The following RNF14 variants were observed in gnomAD, a reference collection of about 807,000 sequenced individuals.
RNF14 encodes the protein E3 ubiquitin-protein ligase RNF14.
RNF14 carries 26 observed loss-of-function variants against 52.6 expected under a neutral mutation model. That is an observed-to-expected ratio of 0.49 (90% CI 0.36 to 0.69). RNF14 has a LOEUF of 0.69. RNF14 is among the 30% of genes least tolerant of loss of function. The probability of loss-of-function intolerance (pLI) is 0.00; values close to 1 mark genes in which losing one functional copy is unlikely to be tolerated. For missense variants in RNF14, 404 were observed against 560.4 expected (o/e 0.72, Z 2.82); for synonymous variants, 194 against 202.0 (o/e 0.96, Z 0.34).
At chr5:141,968,004 A>G (rs1753413309), upstream of RNF14, among the ~76,000 whole-genome samples, 1 of 151,894 alleles carries the variant, frequency 6.6e-6, no homozygotes, top group Non-Finnish European at 1.5e-5. Flanking sequence ...GTCACTTCCC[A>G]TTCCCTCCTG....
At chr5:141,971,440 C>G (rs1250721099) in intron 2 of RNF14, among the ~76,000 whole-genome samples, 1 of 152,110 alleles carries the variant, frequency 6.6e-6, no homozygotes, top group East Asian at 1.9e-4. Context: ...TGCTATGTTG[C>G]CAAGGCTGAT....
upstream of RNF14, among the ~76,000 whole-genome samples, chr5:141,968,211 T>C (rs1753425479): frequency 6.6e-6 from 1 of 151,850 alleles, no homozygotes; most frequent in African/African-American, 2.4e-5. Context: ...GTTCAAATGA[T>C]TCTCCTGCCT....
At chr5:141,986,850 A>T (rs252104) in intron 8 of RNF14, among the ~76,000 whole-genome samples, 133,172 of 152,270 alleles carry the variant, frequency 0.87, 58,420 homozygotes, top group East Asian at 0.98. Flanking sequence ...AAAGGAGAAA[A>T]ACGCTGCATG....
chr5:141,980,821 A>G (rs59850636), intron 6 of RNF14, among the ~76,000 whole-genome samples: 2,265 of 152,352 alleles, frequency 0.015, 50 homozygotes, highest in African/African-American at 0.052. Flanking sequence ...GGAATAATGT[A>G]GATCCTGGAT....
rs750076416 is a variant in RNF14, at chr5:141,987,835, C to T, written c.*45C>T. 6.4e-7 allele frequency: 1 copy of T among 1,565,770 alleles called. No homozygotes were observed. Among genetic ancestry groups the T allele is most frequent in the South Asian group, 1.1e-5 (1 of 90,054 alleles). ...TGGAAGTGGATTGTTTTTCCCTAAT[C>T]TTCCGTCAAGTACACAAAGTAACTT... is the stretch of plus-strand genomic sequence containing the variant. On this transcript the variant is annotated 3_prime_UTR_variant, in exon 9 of 9. Coordinates refer to ENST00000394520, the MANE Select transcript of RNF14 (RefSeq NM_004290.5).
intron 5 of RNF14, among the ~76,000 whole-genome samples, chr5:141,979,149 G>T (rs980839173): frequency 2.0e-5 from 3 of 152,184 alleles, no homozygotes; most frequent in African/African-American, 7.2e-5. Context: ...TGTGAGGTTG[G>T]CATCTGAAGG....
At chr5:141,960,196 C>T (rs1330304991) in intron 1 of RNF14, among the ~76,000 whole-genome samples, 2 of 152,174 alleles carry the variant, frequency 1.3e-5, no homozygotes, top group Admixed American at 6.5e-5. Flanking sequence ...GACAGTCTCA[C>T]TATCCGCCCC....
upstream of RNF14, chr5:141,957,123 C>T (rs138577563): frequency 3.3e-5 from 54 of 1,614,092 alleles, no homozygotes; most frequent in Non-Finnish European, 4.2e-5. This position sits in a 1 kb window ranked among gnomAD's most constrained non-coding sequence, Gnocchi z 4.3. Context: ...TCTCAGCAAA[C>T]GCAGGGCTAT....
upstream of RNF14, among the ~76,000 whole-genome samples, chr5:141,963,394 T>A (rs1303802708): frequency 1.3e-5 from 2 of 151,556 alleles, no homozygotes; most frequent in Admixed American, 1.3e-4. Context: ...TTTTTTTTTT[T>A]AAGAATTTTG....
rs553372538 is a variant in RNF14 at position 141,985,775 on chromosome 5, G to A, written c.1367+842G>A. Among the ~76,000 whole-genome samples, 463 of 152,226 alleles carry A rather than the reference G, an allele frequency of 3.0e-3. 1 individual carries two copies. Among genetic ancestry groups the A allele is most frequent in the African/African-American group, 0.01 (430 of 41,534 alleles). ...TCACCGTGTTAGCCAGGATGGTCTC[G>A]ATCTCCTGACCTCGTGAGCTGCCCG... On this transcript the variant is annotated intron_variant, in intron 8 of 8. Transcript: ENST00000394520.
chr5:141,976,715 CT>C (rs1374968753), intron 4 of RNF14, among the ~76,000 whole-genome samples: 1 of 151,158 alleles, frequency 6.6e-6, no homozygotes, highest in East Asian at 1.9e-4. Flanking sequence ...CCCCAATATA[CT>C]TACACAGTCT....
chr5:141,951,750 A>G, the RNF14 span, among the ~76,000 whole-genome samples: 1 of 152,198 alleles, frequency 6.6e-6, no homozygotes, highest in African/African-American at 2.4e-5. Context: ...TGACAGAGAC[A>G]GGGACCTGGG....
intron 1 of RNF14, among the ~76,000 whole-genome samples, chr5:141,959,336 T>A (rs907391866): frequency 4.0e-5 from 6 of 151,856 alleles, no homozygotes; most frequent in Non-Finnish European, 5.9e-5. Flanking sequence ...TCCACTCACC[T>A]CCTCATAAGG....
At chr5:141,986,610 A>G (rs749112984) in intron 8 of RNF14, among the ~76,000 whole-genome samples, 9 of 152,178 alleles carry the variant, frequency 5.9e-5, no homozygotes, top group Non-Finnish European at 1.2e-4. Flanking sequence ...TCTGGATTCT[A>G]AAAGGACTGT....
chr5:141,977,486 GTTAAAAA>G (rs1442621920), intron 4 of RNF14, among the ~76,000 whole-genome samples: 2 of 152,194 alleles, frequency 1.3e-5, no homozygotes, highest in African/African-American at 4.8e-5. Context: ...CTGTGCTCTA[GTTAAAAA>G]TATTTTATAT....
At chr5:141,983,905 T>A (rs1755003095) in intron 7 of RNF14, among the ~76,000 whole-genome samples, 1 of 152,188 alleles carries the variant, frequency 6.6e-6, no homozygotes, top group African/African-American at 2.4e-5. Flanking sequence ...CCTGGAATGC[T>A]GCACACCTGT....
At chr5:141,964,058 A>G (rs961776315), upstream of RNF14, among the ~76,000 whole-genome samples, 1 of 152,246 alleles carries the variant, frequency 6.6e-6, no homozygotes, top group Non-Finnish European at 1.5e-5. Context: ...GAGTATAAAC[A>G]TGATCATTCT....
chr5:141,979,227 G>GT (rs1561552611), intron 5 of RNF14, among the ~76,000 whole-genome samples: 35 of 141,574 alleles, frequency 2.5e-4, no homozygotes, highest in African/African-American at 9.1e-4. Context: ...TACTTAGGTG[G>GT]TGGTGGTGTT....
At chr5:141,971,636 CTTTTTT>C (rs58804572) in intron 2 of RNF14, among the ~76,000 whole-genome samples, 5 of 117,128 alleles carry the variant, frequency 4.3e-5, no homozygotes, top group Non-Finnish European at 8.5e-5. Context: ...TCTTTCTTTC[CTTTTTT>C]TTTTTTTTTT....
Sources: gnomAD v4.1 joint callset for allele counts (sites outside exome capture counted in the v4.1 genomes callset) on GRCh38, gnomAD v4.1.1 for gene constraint, Gnocchi (gnomAD v3.1) non-coding constraint, MANE v1.5 for transcripts, NCBI Gene and HGNC (gene_info 2026-07-23, HGNC 2026-07-21) for gene names.